The following DLGAP2 variants were observed in gnomAD, a reference collection of about 807,000 sequenced individuals.
DLGAP2 encodes the protein DLG associated protein 2.
DLGAP2 carries 26 observed loss-of-function variants against 100.3 expected under a neutral mutation model. That is an observed-to-expected ratio of 0.26 (90% CI 0.19 to 0.36). DLGAP2 has a LOEUF of 0.36. Ranked by LOEUF, DLGAP2 falls within the 10% of genes least tolerant of loss-of-function variation. The pLI is 1.00. For missense variants in DLGAP2, 1,858 were observed against 1,453.2 expected (o/e 1.28, Z -4.53); for synonymous variants, 886 against 630.1 (o/e 1.41, Z -6.08).
intron 3 of DLGAP2, among the ~76,000 whole-genome samples, chr8:1,467,375 C>A (rs1346637413): frequency 1.3e-5 from 2 of 150,828 alleles, no homozygotes; most frequent in Non-Finnish European, 3.0e-5. Flanking sequence ...CCCCCCACAG[C>A]CCCCCAGAGC....
intron 3 of DLGAP2, among the ~76,000 whole-genome samples, chr8:1,386,833 G>T (rs1796231866): frequency 6.6e-6 from 1 of 151,594 alleles, no homozygotes; most frequent in Non-Finnish European, 1.5e-5. Context: ...CATATTGATG[G>T]AAAAAAAATG....
At chr8:1,171,256 A>G (rs181424307) in intron 2 of DLGAP2, among the ~76,000 whole-genome samples, 133 of 152,214 alleles carry the variant, frequency 8.7e-4, no homozygotes, top group African/African-American at 3.1e-3. Flanking sequence ...ATAGTTTGTT[A>G]TAATTTCTGT....
chr8:1,274,066 G>C (rs1189110933), intron 3 of DLGAP2, among the ~76,000 whole-genome samples: 1 of 152,044 alleles, frequency 6.6e-6, no homozygotes, highest in African/African-American at 2.4e-5. Context: ...AATTCTAACA[G>C]CGTGACGGCT....
chr8:778,133 C>T (rs376050056), intron 1 of DLGAP2, among the ~76,000 whole-genome samples: 24 of 152,250 alleles, frequency 1.6e-4, no homozygotes, highest in East Asian at 7.7e-4. Context: ...TCCAGTTGAT[C>T]GCATCGGCTC....
At chr8:1,379,322 G>C (rs1022896015) in intron 3 of DLGAP2, among the ~76,000 whole-genome samples, 2 of 152,256 alleles carry the variant, frequency 1.3e-5, no homozygotes, top group African/African-American at 4.8e-5. Flanking sequence ...ATGGGCCTAA[G>C]AGCCGCGTCT....
At chr8:1,344,146 G>GGCCCTGTCGTAAGTCCGTGTACTGGGT (rs1554447181) in intron 3 of DLGAP2, among the ~76,000 whole-genome samples, 1,322 of 127,296 alleles carry the variant, frequency 0.01, 60 homozygotes, top group East Asian at 0.036. Flanking sequence ...GTGTACTCGG[G>GGCCCTGTCGTAAGTCCGTGTACTGGGT]GCCCTGTCGT....
At chr8:1,229,169 T>C (rs540963667) in intron 2 of DLGAP2, among the ~76,000 whole-genome samples, 7 of 152,134 alleles carry the variant, frequency 4.6e-5, no homozygotes, top group Admixed American at 2.0e-4. Flanking sequence ...ATAAAACTTA[T>C]ACTCTGAAAA....
intron 6 of DLGAP2, among the ~76,000 whole-genome samples, chr8:1,576,874 C>T (rs1479186502): frequency 6.6e-6 from 1 of 152,116 alleles, no homozygotes; most frequent in Non-Finnish European, 1.5e-5. Flanking sequence ...AGTGCCATCC[C>T]CATCAAGCTA....
intron 2 of DLGAP2, among the ~76,000 whole-genome samples, chr8:1,041,239 G>A (rs1400652310): frequency 6.6e-6 from 1 of 152,224 alleles, no homozygotes; most frequent in African/African-American, 2.4e-5. Context: ...CCCACTTTGT[G>A]ATGGCGATCT....
intron 3 of DLGAP2, among the ~76,000 whole-genome samples, chr8:1,332,799 C>G (rs1262874840): frequency 1.3e-5 from 2 of 152,190 alleles, no homozygotes; most frequent in Admixed American, 6.5e-5. Flanking sequence ...CTGGACCATT[C>G]ATAACCAAGC....
chr8:940,571 C>G (rs1799172712), intron 2 of DLGAP2, among the ~76,000 whole-genome samples: 1 of 152,098 alleles, frequency 6.6e-6, no homozygotes, highest in South Asian at 2.1e-4. Context: ...CTCTGGGTCA[C>G]TTTGAATTCA....
chr8:1,107,305 C>G (rs1001622488), intron 2 of DLGAP2, among the ~76,000 whole-genome samples: 1 of 152,170 alleles, frequency 6.6e-6, no homozygotes, highest in African/African-American at 2.4e-5. Context: ...ATACTCATCA[C>G]CACTCCAGGG....
chr8:1,631,965 A>G (rs527393052), intron 7 of DLGAP2, among the ~76,000 whole-genome samples: 13 of 152,328 alleles, frequency 8.5e-5, no homozygotes, highest in African/African-American at 2.2e-4. Flanking sequence ...TATTTTTACA[A>G]TGTATCTGCC....
intron 1 of DLGAP2, among the ~76,000 whole-genome samples, chr8:807,997 T>A (rs1322878115): frequency 6.6e-6 from 1 of 152,224 alleles, no homozygotes; most frequent in Non-Finnish European, 1.5e-5. Context: ...ACTAAGCAAT[T>A]GCTACGTGCA....
intron 3 of DLGAP2, among the ~76,000 whole-genome samples, chr8:1,293,120 A>T (rs1225953036): frequency 6.6e-6 from 1 of 151,874 alleles, no homozygotes; most frequent in Admixed American, 6.5e-5. Context: ...CTGCATTTTC[A>T]ATCCTTGTGT....
At chr8:1,095,975 A>T (rs934463542) in intron 2 of DLGAP2, among the ~76,000 whole-genome samples, 1 of 152,236 alleles carries the variant, frequency 6.6e-6, no homozygotes, top group Non-Finnish European at 1.5e-5. Context: ...TGAATATTTT[A>T]AAAACAAAAT....
intron 6 of DLGAP2, among the ~76,000 whole-genome samples, chr8:1,570,614 C>T (rs766480343): frequency 1.1e-3 from 164 of 152,218 alleles, no homozygotes; most frequent in Non-Finnish European, 1.6e-3. Flanking sequence ...GCTGTGGAGG[C>T]GTCTGCTGGG....
intron 4 of DLGAP2, among the ~76,000 whole-genome samples, chr8:1,542,553 G>A (rs1387905670): frequency 6.6e-6 from 1 of 152,140 alleles, no homozygotes; most frequent in African/African-American, 2.4e-5. Context: ...CCCTTCCCTG[G>A]TGCAGCACGT....
intron 1 of DLGAP2, among the ~76,000 whole-genome samples, chr8:899,761 A>C (rs1000690211): frequency 6.6e-6 from 1 of 152,238 alleles, no homozygotes; most frequent in African/African-American, 2.4e-5. Context: ...GTATATATTA[A>C]TGTTCTTGAC....
Sources: gnomAD v4.1 joint callset for allele counts (sites outside exome capture counted in the v4.1 genomes callset) on GRCh38, gnomAD v4.1.1 for gene constraint, MANE v1.5 for transcripts, NCBI Gene and HGNC (gene_info 2026-07-23, HGNC 2026-07-21) for gene names.